The following KCNC2 variants were observed in gnomAD, a reference collection of about 807,000 sequenced individuals.
KCNC2 encodes the protein potassium voltage-gated channel subfamily C member 2, also known as voltage-gated potassium channel KCNC2.
In KCNC2, 21 loss-of-function variants were observed where a neutral mutation model predicts 44.5. The ratio of observed to expected loss-of-function variants is 0.47; its 90% confidence interval spans 0.33 to 0.68. The LOEUF (loss-of-function observed/expected upper bound fraction) is 0.68. Among genes scored for constraint, KCNC2 ranks in the 30% least tolerant of loss-of-function variants. The pLI is 0.01. For missense variants in KCNC2, 589 were observed against 826.2 expected, an observed-to-expected ratio of 0.71 and a Z score of 3.52; for synonymous variants, 391 against 339.1, an observed-to-expected ratio of 1.15 and a Z score of -1.68.
At chr12:75,086,272 A>G (rs142798430) in intron 2 of KCNC2, among the ~76,000 whole-genome samples, 91 of 152,138 alleles carry the variant, frequency 6.0e-4, no homozygotes, top group Middle Eastern at 3.4e-3. Context: ...ATTAGAAGAC[A>G]AGACAGTGTG....
chr12:75,043,200 C>A lies in KCNC2; in HGVS notation c.1822G>T (p.Ala608Ser). The change falls in exon 5 of 5, where the codon GCA (alanine) becomes TCA (serine). Residue 608 changes from alanine to serine, a missense_variant. Physicochemically the swap from Ala to Ser is moderately conservative, Grantham distance 99. Transcript: ENST00000549446. ...GGAGAGAGCCTCAGAGCATTGCCTG[C>A]CAAGCCCGCTATGTTGTTTAAGCTT... The part of the protein sequence containing the change: ...SRSLNNIAGL[A>S]GNALRLSPVT... 1 of 1,612,326 alleles carries A rather than the reference C, an allele frequency of 6.2e-7. No individual in the cohort carries two copies. Among genetic ancestry groups the A allele is most frequent in the Non-Finnish European group, 8.5e-7 (1 of 1,178,960 alleles).
chr12:75,107,745 G>T (rs1886906731), intron 2 of KCNC2, among the ~76,000 whole-genome samples: 1 of 152,092 alleles, frequency 6.6e-6, no homozygotes, highest in African/African-American at 2.4e-5. Flanking sequence ...AACTCTAAGA[G>T]CAAACAGAGA....
intron 2 of KCNC2, among the ~76,000 whole-genome samples, chr12:75,154,419 T>C (rs1890620041): frequency 6.6e-6 from 1 of 152,122 alleles, no homozygotes; most frequent in Middle Eastern, 3.4e-3. Context: ...ATCACACCTG[T>C]CCTCGAAGTT....
intron 4 of KCNC2, 39 bp from the exon 5 acceptor site, chr12:75,043,280 C>A: frequency 6.2e-7 from 1 of 1,609,492 alleles, no homozygotes; most frequent in Non-Finnish European, 8.5e-7. Flanking sequence ...TTGAATTCAA[C>A]CAGAATATAG....
At chr12:75,149,327 A>G (rs979121028) in intron 2 of KCNC2, among the ~76,000 whole-genome samples, 1 of 151,862 alleles carries the variant, frequency 6.6e-6, no homozygotes, top group African/African-American at 2.4e-5. Context: ...ACAAATTTCC[A>G]TTCATGAATC....
intron 2 of KCNC2, among the ~76,000 whole-genome samples, chr12:75,074,755 G>A (rs1883760145): frequency 6.6e-6 from 1 of 152,164 alleles, no homozygotes. Context: ...ATACTGAGAT[G>A]GCAAAGATGA....
At chr12:75,128,207 A>G (rs1322767934) in intron 2 of KCNC2, among the ~76,000 whole-genome samples, 5 of 152,302 alleles carry the variant, frequency 3.3e-5, no homozygotes, top group East Asian at 3.9e-4. Context: ...AAAATTGTCC[A>G]TGACCAAAGC....
At chr12:75,078,067 C>T (rs1410776885) in intron 2 of KCNC2, among the ~76,000 whole-genome samples, 1 of 152,036 alleles carries the variant, frequency 6.6e-6, no homozygotes, top group African/African-American at 2.4e-5. Context: ...TACTCTTATA[C>T]CTCCATTATC....
At chr12:75,073,032 G>A (rs538556528) in intron 2 of KCNC2, among the ~76,000 whole-genome samples, 210 of 152,206 alleles carry the variant, frequency 1.4e-3, no homozygotes, top group African/African-American at 4.9e-3. Flanking sequence ...CTAAACTGAA[G>A]CAAACTAAAT....
At chr12:75,064,018 A>G (rs1882586898) in intron 2 of KCNC2, among the ~76,000 whole-genome samples, 1 of 152,116 alleles carries the variant, frequency 6.6e-6, no homozygotes, top group Non-Finnish European at 1.5e-5. Flanking sequence ...TGTTGGTGTT[A>G]CAAAAATGAT....
chr12:75,040,984 C>A lies in KCNC2; in HGVS notation c.*2121G>T. ...TGTTTCATGGACACTGGCCAGTCTA[C>A]AAGCAGAGCACTCTCATGGGGAGCA... is the stretch of plus-strand genomic sequence containing the variant. On this transcript the variant is annotated 3_prime_UTR_variant, in exon 5 of 5. Transcript: ENST00000549446. The A allele has an allele frequency of 1.3e-6, 1 of 751,066 alleles. No individual in the cohort carries two copies. Among genetic ancestry groups the A allele is most frequent in the Non-Finnish European group, 2.3e-6 (1 of 440,232 alleles). The allele number at this position is 751,066 out of a possible 1,614,324, so 46.5% of individuals were successfully genotyped here.
chr12:75,189,020 T>C (rs1039999725), intron 2 of KCNC2, among the ~76,000 whole-genome samples: 8 of 152,328 alleles, frequency 5.3e-5, no homozygotes, highest in African/African-American at 1.9e-4. Context: ...TAAGAGTTGA[T>C]GATCATAGTA....
rs576775223 is a variant in KCNC2 at position 75,152,321 on chromosome 12, G to C, written c.687+54976C>G. 4.6e-5 allele frequency among the ~76,000 whole-genome samples: 7 copies of C among 151,184 alleles called. No homozygotes were observed. In the South Asian group the frequency reaches 1.5e-3, roughly 32 times the overall value. On this transcript the variant is annotated intron_variant, in intron 2 of 4. Coordinates refer to ENST00000549446, the MANE Select transcript of KCNC2 (RefSeq NM_139137.4). ...AAAAGATCTTAAAATCAACGAAAAAGAAAACACAAAAAATAAACAAAAACA... is the reference window on the plus strand; with the variant it reads ...AAAAGATCTTAAAATCAACGAAAAACAAAACACAAAAAATAAACAAAAACA...
chr12:75,143,992 T>C (rs1364495187), intron 2 of KCNC2, among the ~76,000 whole-genome samples: 1 of 151,916 alleles, frequency 6.6e-6, no homozygotes, highest in Non-Finnish European at 1.5e-5. Context: ...TTCATGGGAG[T>C]GAAGATTACC....
intron 2 of KCNC2, among the ~76,000 whole-genome samples, chr12:75,171,539 A>G (rs1891818813): frequency 6.6e-6 from 1 of 151,898 alleles, no homozygotes; most frequent in South Asian, 2.1e-4. Context: ...GAAATAAGTC[A>G]GGCAAAGCAA....
chr12:75,160,583 T>C (rs1052679520), intron 2 of KCNC2, among the ~76,000 whole-genome samples: 1 of 151,834 alleles, frequency 6.6e-6, no homozygotes. Flanking sequence ...GTGTGACTTA[T>C]AGTAATAAAT....
At chr12:75,122,414 G>A (rs969439942) in intron 2 of KCNC2, among the ~76,000 whole-genome samples, 10 of 152,160 alleles carry the variant, frequency 6.6e-5, no homozygotes, top group Admixed American at 1.3e-4. Context: ...ATAAGAATGA[G>A]CATATAATCA....
chr12:75,072,754 T>C (rs992280104), intron 2 of KCNC2, among the ~76,000 whole-genome samples: 3 of 152,182 alleles, frequency 2.0e-5, no homozygotes, highest in African/African-American at 7.2e-5. Flanking sequence ...TTTCTTTCTC[T>C]TGTCAGTTTA....
At chr12:75,140,993 T>A (rs557437177) in intron 2 of KCNC2, among the ~76,000 whole-genome samples, 1 of 152,326 alleles carries the variant, frequency 6.6e-6, no homozygotes, top group Admixed American at 6.5e-5. Context: ...AATACCTTTC[T>A]TGTTTCTAAC....
Sources: gnomAD v4.1 joint callset for allele counts (sites outside exome capture counted in the v4.1 genomes callset) on GRCh38, gnomAD v4.1.1 for gene constraint, MANE v1.5 for transcripts, NCBI Gene and HGNC (gene_info 2026-07-23, HGNC 2026-07-21) for gene names.